PPEF1: variants seen among roughly 807,000 people sequenced by gnomAD.
PPEF1 encodes protein phosphatase with EF-hand domain 1, also known as serine/threonine-protein phosphatase with EF-hands 1.
Under a neutral mutation model 53.3 loss-of-function variants are expected in PPEF1, and 12 were observed. That is an observed-to-expected ratio of 0.23 (90% CI 0.14 to 0.36). PPEF1 has a LOEUF of 0.36. Ranked by LOEUF, PPEF1 falls within the 10% of genes least tolerant of loss-of-function variation. The pLI is 1.00. For missense variants in PPEF1, 334 were observed against 490.4 expected (o/e 0.68, Z 3.01); for synonymous variants, 165 against 176.7 (o/e 0.93, Z 0.52).
At position 18,701,283 on chromosome X, in the gene PPEF1, T is replaced by C. The variant is rs1930100471; in HGVS notation, c.-123+848T>C. On this transcript the variant is annotated intron_variant, in intron 6 of 21. Transcript: ENST00000361511. Reference sequence around the variant, plus strand: ...CCATTGCTTTGCGACTCTTAAATTATACCAGAACCTGTAGGTACCCAAAGG... The same window carrying C: ...CCATTGCTTTGCGACTCTTAAATTACACCAGAACCTGTAGGTACCCAAAGG... 2.7e-5 allele frequency among the ~76,000 whole-genome samples: 3 copies of C among 112,283 alleles called. 1 individual carries two copies. The Admixed American group carries it at 2.8e-4, about 11-fold the overall frequency.
chrX:18,819,318 TA>T (rs1347361281), intron 13 of PPEF1, among the ~76,000 whole-genome samples: 2 of 111,798 alleles, frequency 1.8e-5, no homozygotes, highest in Admixed American at 1.9e-4. Flanking sequence ...ATATGCTTGT[TA>T]AAAAAAGTAA....
At chrX:18,732,184 C>A (rs757428211) in intron 2 of PPEF1, among the ~76,000 whole-genome samples, 1 of 112,948 alleles carries the variant, frequency 8.9e-6, no homozygotes, top group South Asian at 3.6e-4. Context: ...GACTTCATTC[C>A]TTTTTAGTTA....
intron 4 of PPEF1, among the ~76,000 whole-genome samples, chrX:18,693,463 G>A (rs1929527259): frequency 8.9e-6 from 1 of 112,175 alleles, no homozygotes; most frequent in African/African-American, 3.2e-5. Flanking sequence ...TTCCCAGGTC[G>A]AGCTCATTTC....
At chrX:18,714,518 G>T (rs1290508678) in intron 1 of PPEF1, among the ~76,000 whole-genome samples, 1 of 111,241 alleles carries the variant, frequency 9.0e-6, no homozygotes, top group Non-Finnish European at 1.9e-5. Context: ...TGGTTCGCCC[G>T]CCTCGGCCTC....
upstream of PPEF1, among the ~76,000 whole-genome samples, chrX:18,706,542 C>T (rs1337118390): frequency 6.4e-5 from 7 of 110,151 alleles, no homozygotes; most frequent in Admixed American, 9.7e-5. Context: ...GTCAGGAGTT[C>T]GAGACCATCC....
At chrX:18,747,384 C>T (rs1003935061) in intron 3 of PPEF1, among the ~76,000 whole-genome samples, 7 of 112,223 alleles carry the variant, frequency 6.2e-5, no homozygotes, top group African/African-American at 2.3e-4. Flanking sequence ...GTTCCATATG[C>T]CTGTCTGCAT....
chrX:18,793,958 A>G (rs1275646201), intron 10 of PPEF1, among the ~76,000 whole-genome samples: 2 of 111,323 alleles, frequency 1.8e-5, no homozygotes, highest in Non-Finnish European at 3.8e-5. Context: ...TGTGGATTTA[A>G]TTGGGCTCTC....
chrX:18,757,610 C>T lies in PPEF1; in HGVS notation c.397-17C>T. The T allele has an allele frequency of 1.8e-6, 2 of 1,130,029 alleles. No individual in the cohort carries two copies. The highest frequency in any genetic ancestry group is 4.4e-5 in the Admixed American group (2 of 45,601). The allele number at this position is 1,130,029 out of a possible 1,213,427, so 93.1% of individuals were successfully genotyped here. Reference sequence around the variant, plus strand: ...TCCTTGTTCATTACATCTATTTCCTCTGCTTCCCGCTCACAGATACTTCAT... The same window carrying T: ...TCCTTGTTCATTACATCTATTTCCTTTGCTTCCCGCTCACAGATACTTCAT... On this transcript the variant is annotated splice_polypyrimidine_tract_variant and intron_variant, in intron 4 of 15. Transcript: ENST00000470157.
upstream of PPEF1, among the ~76,000 whole-genome samples, chrX:18,678,563 C>T (rs982083159): frequency 3.6e-5 from 4 of 112,319 alleles, no homozygotes; most frequent in African/African-American, 1.3e-4. Flanking sequence ...CTCTCCAGTT[C>T]TGTCCCCCCA....
chrX:18,685,820 GTTC>G lies in PPEF1; in HGVS notation c.-519-313_-519-311del, dbSNP rs750165629. Reference sequence around the variant, plus strand: ...TCTAGCGTCTGCTTCTGGGCTCAGCGTTCTTCTAAAGCCTGGATACAAATTTAT... The same window carrying G: ...TCTAGCGTCTGCTTCTGGGCTCAGCGTTCTAAAGCCTGGATACAAATTTAT... On this transcript the variant is annotated intron_variant, in intron 2 of 21. Coordinates refer to the PPEF1 transcript ENST00000361511. 4.1e-3 allele frequency among the ~76,000 whole-genome samples: 461 copies of G among 111,425 alleles called. 3 individuals are homozygous for G. Among genetic ancestry groups the G allele is most frequent in the Middle Eastern group, 0.023 (5 of 219 alleles).
chrX:18,776,215 G>GGTTT (rs1467097241), intron 6 of PPEF1, among the ~76,000 whole-genome samples: 2 of 109,386 alleles, frequency 1.8e-5, no homozygotes, highest in Admixed American at 2.0e-4. Flanking sequence ...CTTTGTGGTT[G>GGTTT]GTTGGTTGGT....
exon 1 of PPEF1, chrX:18,675,940 C>G (rs1434257362): frequency 1.3e-5 from 1 of 78,769 alleles, no homozygotes; most frequent in Non-Finnish European, 2.3e-5. Context: ...TGAAAACCCA[C>G]CTGCAATCAT....
intron 13 of PPEF1, among the ~76,000 whole-genome samples, chrX:18,822,189 T>C (rs1458611739): frequency 8.9e-6 from 1 of 112,014 alleles, no homozygotes; most frequent in Non-Finnish European, 1.9e-5. Context: ...CGTGCGGTGC[T>C]GTAGAAACAA....
intron 12 of PPEF1, among the ~76,000 whole-genome samples, chrX:18,809,091 A>ATATCTATCTATCTATC (rs58192421): frequency 2.0e-4 from 19 of 96,804 alleles, no homozygotes; most frequent in Admixed American, 1.3e-3. Flanking sequence ...ATATCACATT[A>ATATCTATCTATCTATC]TATCTATCTA....
chrX:18,814,151 A>G (rs765567595), intron 12 of PPEF1, among the ~76,000 whole-genome samples: 2 of 111,628 alleles, frequency 1.8e-5, no homozygotes, highest in Non-Finnish European at 3.8e-5. Context: ...AGCTGCATCC[A>G]TGTTGCTGCA....
At chrX:18,690,358 GTTTT>G (rs67423941) in intron 3 of PPEF1, among the ~76,000 whole-genome samples, 6 of 71,222 alleles carry the variant, frequency 8.4e-5, no homozygotes, top group Admixed American at 1.6e-4. Context: ...TCTAGGACTT[GTTTT>G]TTTTTTTTTT....
intron 6 of PPEF1, among the ~76,000 whole-genome samples, chrX:18,769,442 A>T (rs1426352053): frequency 8.9e-6 from 1 of 111,976 alleles, no homozygotes; most frequent in Non-Finnish European, 1.9e-5. Flanking sequence ...ATTGAATAGA[A>T]AGCTAGAAAT....
At chrX:18,787,171 T>C (rs926669188) in intron 9 of PPEF1, among the ~76,000 whole-genome samples, 4 of 111,564 alleles carry the variant, frequency 3.6e-5, no homozygotes, top group African/African-American at 1.3e-4. Context: ...TAAAAGTAGA[T>C]TGTTCCAGTC....
chrX:18,688,413 T>G (rs1460154042), intron 3 of PPEF1, among the ~76,000 whole-genome samples: 1 of 112,714 alleles, frequency 8.9e-6, no homozygotes, highest in Non-Finnish European at 1.9e-5. Flanking sequence ...TACAAATAGC[T>G]CTTATTGACC....
Sources: allele counts gnomAD v4.1 joint callset (sites outside exome capture counted in the v4.1 genomes callset), GRCh38; gene constraint gnomAD v4.1.1; transcripts MANE v1.5; gene names NCBI Gene and HGNC (gene_info 2026-07-23, HGNC 2026-07-21).